Variants in ADGRL2 observed in about 807,000 individuals in gnomAD.
The protein encoded by ADGRL2 is calcium-independent alpha-latrotoxin receptor 2.
ADGRL2 carries 44 observed loss-of-function variants against 157.4 expected under a neutral mutation model. The observed-to-expected ratio is 0.28, with a 90% confidence interval of 0.22 to 0.36. ADGRL2 has a LOEUF of 0.36. Among genes scored for constraint, ADGRL2 ranks in the 10% least tolerant of loss-of-function variants. ADGRL2 has a pLI of 1.00. For synonymous variants in ADGRL2, 585 were observed against 624.7 expected (o/e 0.94, Z 0.95); for missense variants, 1,510 against 1,768.9 (o/e 0.85, Z 2.63).
chr1:81,637,249 T>C (rs559059067), intron 3 of ADGRL2, among the ~76,000 whole-genome samples: 6 of 152,188 alleles, frequency 3.9e-5, no homozygotes, highest in Non-Finnish European at 8.8e-5. Flanking sequence ...GTGCTTTTCA[T>C]AGGAGCTTGT....
intron 1 of ADGRL2, among the ~76,000 whole-genome samples, chr1:81,352,235 C>A (rs756311906): frequency 1.2e-4 from 19 of 152,198 alleles, no homozygotes; most frequent in Admixed American, 2.0e-4. Flanking sequence ...TGTATCATCC[C>A]AAATACCTGA....
Position 81,785,729 on chromosome 1 carries a change from A to G in ADGRL2, c.-101+23877A>G, listed in dbSNP as rs113520751. 3.2e-3 allele frequency among the ~76,000 whole-genome samples: 486 copies of G among 152,142 alleles called. 2 individuals are homozygous for G. Among genetic ancestry groups the G allele is most frequent in the African/African-American group, 0.011 (467 of 41,496 alleles). The stretch of plus-strand genomic sequence containing the variant: ...AGCGACAAAGTGAGACCCCGTGTCT[A>G]AAAAAACGACAACAAAAAATCCTTC... On this transcript the variant is annotated intron_variant, in intron 2 of 20. Coordinates refer to the ADGRL2 transcript ENST00000359929.
chr1:81,788,005 T>G (rs1222656597), intron 2 of ADGRL2, among the ~76,000 whole-genome samples: 1 of 152,118 alleles, frequency 6.6e-6, no homozygotes, highest in African/African-American at 2.4e-5. Flanking sequence ...AAATAATGGG[T>G]GAAAGATACA....
chr1:81,534,433 G>A (rs748936910), intron 2 of ADGRL2, among the ~76,000 whole-genome samples: 3 of 152,182 alleles, frequency 2.0e-5, no homozygotes, highest in Non-Finnish European at 2.9e-5. Context: ...AAGTGCTGGG[G>A]TTACAGGCGT....
chr1:81,885,350 A>G (rs2094103635), intron 2 of ADGRL2, among the ~76,000 whole-genome samples: 1 of 152,196 alleles, frequency 6.6e-6, no homozygotes, highest in African/African-American at 2.4e-5. Context: ...AACTTTAGAC[A>G]TTAGCGATTA....
intron 1 of ADGRL2, among the ~76,000 whole-genome samples, chr1:81,419,979 G>A (rs930821566): frequency 3.3e-5 from 5 of 152,188 alleles, no homozygotes; most frequent in Non-Finnish European, 5.9e-5. Flanking sequence ...GGCAACAGTT[G>A]TTGTCCAGCA....
At position 81,991,848 on chromosome 1, in the gene ADGRL2, TGAA is replaced by T. The variant is rs1158666220; in HGVS notation, c.*707_*709del. The T allele has an allele frequency of 6.6e-6, 1 of 152,610 alleles. No individual in the cohort carries two copies. The highest frequency in any genetic ancestry group is 1.5e-5 in the Non-Finnish European group (1 of 68,028). The allele number at this position is 152,610 out of a possible 1,614,324, so 9.5% of individuals were successfully genotyped here. On this transcript the variant is annotated 3_prime_UTR_variant, in exon 24 of 24. Transcript: ENST00000686636. Reference sequence around the variant, plus strand: ...TTGTCATTAAAATAATTTTAAAGAGTGAAGAAAATATTGTGAAAAGCTCTTGGT... The same window carrying T: ...TTGTCATTAAAATAATTTTAAAGAGTGAAAATATTGTGAAAAGCTCTTGGT...
intron 3 of ADGRL2, among the ~76,000 whole-genome samples, chr1:81,670,827 A>T (rs2082859481): frequency 6.6e-6 from 1 of 152,062 alleles, no homozygotes; most frequent in Non-Finnish European, 1.5e-5. Flanking sequence ...AGATCCTCTC[A>T]CCTCAGCCTG....
intron 2 of ADGRL2, among the ~76,000 whole-genome samples, chr1:81,838,164 T>A (rs1356478938): frequency 6.6e-6 from 1 of 151,990 alleles, no homozygotes; most frequent in Non-Finnish European, 1.5e-5. Flanking sequence ...AATGTTAACG[T>A]TTTAATTTTG....
rs367688087 is a variant in ADGRL2 at position 81,776,067 on chromosome 1, T to A, written c.-101+14215T>A. On this transcript the variant is annotated intron_variant, in intron 2 of 20. Transcript: ENST00000359929. Reference sequence around the variant, plus strand: ...TGATTTACTATCAGTGCTTCCAAATTTGGGTTAGCATCATCAGGAATGGGA... The same window carrying A: ...TGATTTACTATCAGTGCTTCCAAATATGGGTTAGCATCATCAGGAATGGGA... 2.6e-5 allele frequency among the ~76,000 whole-genome samples: 4 copies of A among 152,144 alleles called. No individual in the cohort carries two copies. The East Asian group carries it at 7.7e-4, about 29-fold the overall frequency.
At position 81,968,137 on chromosome 1, in the gene ADGRL2, A is replaced by T; in HGVS notation, c.2461A>T (p.Thr821Ser). The T allele has an allele frequency of 6.2e-7, 1 of 1,612,588 alleles. No homozygotes were observed. The highest frequency in any genetic ancestry group is 8.5e-7 in the Non-Finnish European group (1 of 1,179,652). ...GCTGGTTGACACTAATAAAACTCGA[A>T]CAACGTGTGCATGCAGCCACCTAAC... The part of the protein sequence containing the change: ...CKLVDTNKTR[T>S]TCACSHLTNF... The change falls in exon 14 of 24, where the codon ACA becomes TCA. Residue 821 changes from threonine to serine, a missense_variant. Thr to Ser is a moderately conservative substitution (Grantham distance 58, BLOSUM62 1). Transcript: ENST00000686636.
At chr1:81,541,118 A>G (rs1322202675) in intron 2 of ADGRL2, among the ~76,000 whole-genome samples, 2 of 152,216 alleles carry the variant, frequency 1.3e-5, no homozygotes, top group Admixed American at 1.3e-4. Context: ...GTAGGAAACC[A>G]TATCAATAAT....
At chr1:81,717,583 TG>T (rs2084160448) in intron 1 of ADGRL2, among the ~76,000 whole-genome samples, 1 of 152,220 alleles carries the variant, frequency 6.6e-6, no homozygotes, top group Admixed American at 6.5e-5. Flanking sequence ...AATGGGATAA[TG>T]GATCACCAGA....
At chr1:81,385,038 A>G (rs1285184216) in intron 1 of ADGRL2, among the ~76,000 whole-genome samples, 3 of 152,168 alleles carry the variant, frequency 2.0e-5, no homozygotes, top group Non-Finnish European at 2.9e-5. Flanking sequence ...AGTGAGTTCT[A>G]CATACGTTGC....
chr1:81,828,789 C>T (rs561898775), intron 1 of ADGRL2, among the ~76,000 whole-genome samples: 1 of 152,016 alleles, frequency 6.6e-6, no homozygotes, highest in East Asian at 1.9e-4. Flanking sequence ...AATGGAAGAC[C>T]TTTTGGTTTT....
chr1:81,693,973 T>C (rs945137491), intron 3 of ADGRL2, among the ~76,000 whole-genome samples: 2 of 152,216 alleles, frequency 1.3e-5, no homozygotes, highest in African/African-American at 4.8e-5. Context: ...TATGGGCATC[T>C]GTACATTATA....
In ADGRL2 at chr1:81,546,008, C is replaced by T. The variant is rs553481307; in HGVS notation, c.-247-34868C>T. On this transcript the variant is annotated intron_variant, in intron 2 of 24. Transcript: ENST00000370721. ...CAGCTGTTTATCCTGCCACTGGGTG[C>T]GGGGGGAAGGGAATAGCTCTGGACG... 2.8e-4 allele frequency among the ~76,000 whole-genome samples: 42 copies of T among 152,108 alleles called. No homozygotes were observed. The Middle Eastern group carries it at 0.01, about 37-fold the overall frequency.
At chr1:81,410,631 T>C (rs181763910) in intron 1 of ADGRL2, among the ~76,000 whole-genome samples, 73 of 152,302 alleles carry the variant, frequency 4.8e-4, no homozygotes, top group Middle Eastern at 3.4e-3. Flanking sequence ...TGTAACAGTA[T>C]TAGGTAATTG....
intron 3 of ADGRL2, among the ~76,000 whole-genome samples, chr1:81,914,646 T>G (rs1043182240): frequency 6.6e-6 from 1 of 152,186 alleles, no homozygotes; most frequent in Non-Finnish European, 1.5e-5. Flanking sequence ...ACTTGGCCGC[T>G]CCTAACCCAT....
Sources: allele counts gnomAD v4.1 joint callset (sites outside exome capture counted in the v4.1 genomes callset), GRCh38; gene constraint gnomAD v4.1.1; transcripts MANE v1.5; gene names NCBI Gene and HGNC (gene_info 2026-07-23, HGNC 2026-07-21).